The following VPS13A variants were observed in gnomAD, a reference collection of about 807,000 sequenced individuals.
The protein encoded by VPS13A is vacuolar protein sorting 13 homolog A.
Under a neutral mutation model 390.9 loss-of-function variants are expected in VPS13A, and 264 were observed. The observed-to-expected ratio is 0.68, with a 90% CI of 0.61 to 0.75. The LOEUF (loss-of-function observed/expected upper bound fraction) is 0.75. Ranked by LOEUF, VPS13A falls within the 30% of genes least tolerant of loss-of-function variation. The pLI is 0.00. For synonymous variants in VPS13A, 1,231 were observed against 1,227.1 expected, an observed-to-expected ratio of 1.00 and a Z score of -0.07; for missense variants, 3,409 against 3,733.9, an observed-to-expected ratio of 0.91 and a Z score of 2.27.
chr9:77,312,536 C>G (rs140264308), intron 35 of VPS13A, among the ~76,000 whole-genome samples: 11,981 of 151,986 alleles, frequency 0.079, 585 homozygotes, highest in East Asian at 0.12. Context: ...ACACCATTCT[C>G]CTGCCTCAGC....
intron 10 of VPS13A, among the ~76,000 whole-genome samples, chr9:77,219,021 A>T (rs925177080): frequency 6.6e-6 from 1 of 152,182 alleles, no homozygotes; most frequent in Non-Finnish European, 1.5e-5. Context: ...TGATTAAAAT[A>T]ACTGATGGTG....
chr9:77,181,314 G>A (rs1824001292), intron 1 of VPS13A, among the ~76,000 whole-genome samples: 1 of 151,954 alleles, frequency 6.6e-6, no homozygotes, highest in African/African-American at 2.4e-5. Flanking sequence ...CTTCAGACCA[G>A]CCTGGCCAAT....
intron 35 of VPS13A, among the ~76,000 whole-genome samples, chr9:77,310,279 G>C (rs1047700017): frequency 1.3e-5 from 2 of 151,978 alleles, no homozygotes; most frequent in Non-Finnish European, 2.9e-5. Flanking sequence ...ATGTGAATAG[G>C]CTAGAAATTA....
intron 67 of VPS13A, among the ~76,000 whole-genome samples, chr9:77,377,820 C>T (rs1833192775): frequency 6.6e-6 from 1 of 152,116 alleles, no homozygotes. Context: ...GGAAAGCTTT[C>T]AGATGTTCAC....
intron 19 of VPS13A, among the ~76,000 whole-genome samples, chr9:77,244,063 C>A (rs1824663162): frequency 6.6e-6 from 1 of 152,052 alleles, no homozygotes; most frequent in Non-Finnish European, 1.5e-5. Context: ...CATAGTGAGA[C>A]CTTGTCTCTA....
intron 31 of VPS13A, among the ~76,000 whole-genome samples, chr9:77,292,374 C>G (rs1481072745): frequency 6.6e-6 from 1 of 152,014 alleles, no homozygotes; most frequent in African/African-American, 2.4e-5. Context: ...CCTGAAGGTA[C>G]CTGTTTGTCC....
At chr9:77,239,848 G>A (rs1824365789) in intron 19 of VPS13A, among the ~76,000 whole-genome samples, 1 of 151,760 alleles carries the variant, frequency 6.6e-6, no homozygotes. Context: ...CTACTATTGG[G>A]AAGTTAAATA....
At chr9:77,328,159 A>G (rs1830107997) in intron 45 of VPS13A, among the ~76,000 whole-genome samples, 1 of 152,250 alleles carries the variant, frequency 6.6e-6, no homozygotes, top group South Asian at 2.1e-4. Flanking sequence ...TGAAAGCAAC[A>G]TTAAGCTCCT....
intron 52 of VPS13A, among the ~76,000 whole-genome samples, chr9:77,348,887 A>G (rs575803653): frequency 6.6e-6 from 1 of 152,338 alleles, no homozygotes; most frequent in African/African-American, 2.4e-5. Context: ...AATGAATTAA[A>G]CAGATTAAAA....
At chr9:77,408,225 ACTGT>A (rs1161532964) in intron 71 of VPS13A, among the ~76,000 whole-genome samples, 13 of 152,354 alleles carry the variant, frequency 8.5e-5, no homozygotes, top group African/African-American at 2.9e-4. Context: ...CTATGAATTG[ACTGT>A]CTGACCTCAT....
intron 50 of VPS13A, 124 bp from the exon 51 acceptor site, chr9:77,344,029 C>T: frequency 1.1e-6 from 1 of 873,458 alleles, no homozygotes; most frequent in Non-Finnish European, 1.7e-6. Flanking sequence ...AACCCAATAA[C>T]TAGAGCAGTG....
At chr9:77,317,565 A>G (rs769406263) in intron 39 of VPS13A, 41 bp from the exon 40 acceptor site, 1 of 1,403,420 alleles carries the variant, frequency 7.1e-7, no homozygotes, top group Non-Finnish European at 9.8e-7. Context: ...ATATTTTTAT[A>G]TTTAAACATT....
At chr9:77,225,521 C>T (rs928616535) in intron 13 of VPS13A, among the ~76,000 whole-genome samples, 3 of 152,156 alleles carry the variant, frequency 2.0e-5, no homozygotes, top group Admixed American at 6.6e-5. Context: ...GTTGGGGTTA[C>T]AGGCATGAGC....
intron 22 of VPS13A, among the ~76,000 whole-genome samples, chr9:77,254,245 A>T (rs564308356): frequency 3.7e-4 from 56 of 152,264 alleles, no homozygotes; most frequent in African/African-American, 1.3e-3. Flanking sequence ...TCCCGGCCTT[A>T]TTCTTTTGCA....
At chr9:77,344,645 G>C (rs1831045835) in intron 51 of VPS13A, among the ~76,000 whole-genome samples, 1 of 152,152 alleles carries the variant, frequency 6.6e-6, no homozygotes, top group South Asian at 2.1e-4. Context: ...TGTAGTCCCA[G>C]CTACTCGGGA....
At chr9:77,317,364 T>C (rs1324740414) in intron 39 of VPS13A, among the ~76,000 whole-genome samples, 1 of 152,032 alleles carries the variant, frequency 6.6e-6, no homozygotes, top group East Asian at 1.9e-4. Context: ...GAGACTGTGG[T>C]ATTTTTTTCT....
At position 77,317,651 on chromosome 9, in the gene VPS13A, A is replaced by C. The variant is rs757415947; in HGVS notation, c.4909A>C (p.Thr1637Pro). 1.9e-6 allele frequency: 3 copies of C among 1,603,696 alleles called. No individual in the cohort carries two copies. In the African/African-American group the frequency reaches 4.0e-5, roughly 21 times the overall value. Residue 1637 changes from threonine (T) to proline (P), a missense_variant, in exon 40 of 72, where the codon ACA (threonine) becomes CCA (proline). Around this residue, in one of 5 missense-constraint regions of VPS13A, gnomAD observed 2,717 missense variants for 2,917.4 expected, o/e 0.93. Transcript: ENST00000360280. The part of the protein sequence containing the change: ...DLFYQTTQKG[T>P]DPQVIDMSVK... ...GTTTTATCAAACTACTCAGAAAGGT[A>C]CAGATCCACAAGTGATCGATATGTC...
At chr9:77,224,509 G>A (rs1290527452) in intron 13 of VPS13A, among the ~76,000 whole-genome samples, 1 of 152,170 alleles carries the variant, frequency 6.6e-6, no homozygotes, top group Non-Finnish European at 1.5e-5. Context: ...AAGACCTTGA[G>A]AGGTTCAAGA....
At chr9:77,222,265 C>T (rs1823262839) in intron 13 of VPS13A, among the ~76,000 whole-genome samples, 1 of 152,042 alleles carries the variant, frequency 6.6e-6, no homozygotes. Context: ...GAATCATAAC[C>T]TGAGTCCTCC....
Sources: gnomAD v4.1 joint callset for allele counts (sites outside exome capture counted in the v4.1 genomes callset) on GRCh38, gnomAD v4.1.1 for gene constraint, gnomAD v4.1.1 regional missense constraint, MANE v1.5 for transcripts, NCBI Gene and HGNC (gene_info 2026-07-23, HGNC 2026-07-21) for gene names.